The following MAP4K5 variants were observed in gnomAD, a reference collection of about 807,000 sequenced individuals.
The protein encoded by MAP4K5 is MAPK/ERK kinase kinase kinase 5.
In MAP4K5, 82 loss-of-function variants were observed where a neutral mutation model predicts 135.6. The ratio of observed to expected loss-of-function variants is 0.60; its 90% confidence interval spans 0.51 to 0.73. The LOEUF is 0.73. MAP4K5 is among the 30% of genes least tolerant of loss of function. The pLI is 0.00. For synonymous variants in MAP4K5, 347 were observed against 335.0 expected (o/e 1.04, Z -0.39); for missense variants, 907 against 1,010.9 (o/e 0.90, Z 1.39).
chr14:50,437,522 T>C lies in MAP4K5; in HGVS notation c.1836A>G (p.Leu612=), dbSNP rs1000429657. ...PDRILPRKFA[L]TTKIPDTKGC... ...CTTTTGTATCAGGAATCTTTGTTGTTAAAGCGAATTTTCTGAAAACGTAAG... is the reference window on the plus strand; with the variant it reads ...CTTTTGTATCAGGAATCTTTGTTGTCAAAGCGAATTTTCTGAAAACGTAAG... The change falls in exon 26 of 33, where the codon TTA becomes TTG. Residue 612 remains leucine, a synonymous_variant. Transcript: ENST00000682126. 1.9e-5 allele frequency: 31 copies of C among 1,600,242 alleles called. No homozygotes were observed. The highest frequency in any genetic ancestry group is 2.6e-5 in the Non-Finnish European group (31 of 1,173,794).
At chr14:50,433,856 A>C (rs1296365522) in intron 28 of MAP4K5, among the ~76,000 whole-genome samples, 1 of 152,246 alleles carries the variant, frequency 6.6e-6, no homozygotes, top group Non-Finnish European at 1.5e-5. Flanking sequence ...CAGATTTAAA[A>C]AATGATTTAT....
intron 26 of MAP4K5, among the ~76,000 whole-genome samples, chr14:50,436,474 G>A (rs891714962): frequency 1.3e-5 from 2 of 151,816 alleles, no homozygotes; most frequent in Non-Finnish European, 2.9e-5. Flanking sequence ...TTTTGGGTGG[G>A]GGCTTTGGGT....
chr14:50,539,276 C>G (rs1049171460), intron 2 of MAP4K5, among the ~76,000 whole-genome samples: 2 of 152,116 alleles, frequency 1.3e-5, no homozygotes, highest in African/African-American at 4.8e-5. Context: ...AGATCAATCT[C>G]TAGCACTTAG....
In MAP4K5 at chr14:50,468,666, T is replaced by G; in HGVS notation, c.659A>C (p.Asp220Ala). The stretch of plus-strand genomic sequence containing the variant: ...ATGAGAACACCTCATTGGGTGGAGA[T>G]CAAACATAGGTGGCTGAAGTTCTCC... ...ELGELQPPMF[D>A]LHPMRALFLM... Residue 220 changes from aspartate (D) to alanine (A), a missense_variant, in exon 10 of 33, where the codon GAT (aspartate) becomes GCT (alanine). By Grantham distance (126) the Asp-to-Ala change is moderately radical. Around this residue, in one of 3 missense-constraint regions of MAP4K5, gnomAD observed 690 missense variants for 777.4 expected, o/e 0.89. Transcript: ENST00000682126. 6.2e-7 allele frequency: 1 copy of G among 1,613,348 alleles called. No homozygotes were observed. The highest frequency in any genetic ancestry group is 2.2e-5 in the East Asian group (1 of 44,852).
rs745779460 is a variant in MAP4K5 at position 50,456,512 on chromosome 14, A to G, written c.1015+4T>C. ...CCAATGGAAAATGTAAACCAAACACATACAATTTATTTCTGAAGCTGTCCG... is the reference window on the plus strand; with the variant it reads ...CCAATGGAAAATGTAAACCAAACACGTACAATTTATTTCTGAAGCTGTCCG... On this transcript the variant is annotated splice_donor_region_variant and intron_variant, in intron 14 of 32. Transcript: ENST00000682126. 6.2e-5 allele frequency: 97 copies of G among 1,560,618 alleles called. No homozygotes were observed. In the Admixed American group the frequency reaches 1.8e-3, roughly 30 times the overall value.
Position 50,488,446 on chromosome 14 carries a change from A to T in MAP4K5, c.167-2252T>A, listed in dbSNP as rs149592951. Among the ~76,000 whole-genome samples the T allele has an allele frequency of 1.3e-5, 2 of 152,326 alleles. 1 individual carries two copies. The highest frequency in any genetic ancestry group is 4.8e-5 in the African/African-American group (2 of 41,570). On this transcript the variant is annotated intron_variant, in intron 3 of 32. Transcript: ENST00000682126. ...ACTTTTAAATGTGCACAGAAGCCTT[A>T]TATCTGAGCTATGCTGAGAAATTCT...
At chr14:50,424,007 G>A (rs1318439545) in intron 31 of MAP4K5, among the ~76,000 whole-genome samples, 2 of 152,082 alleles carry the variant, frequency 1.3e-5, no homozygotes, top group African/African-American at 4.8e-5. Context: ...GCTTATTAAT[G>A]TGTTCTTTAT....
chr14:50,440,335 A>G, intron 22 of MAP4K5, 27 bp downstream of exon 22: 1 of 1,444,572 alleles, frequency 6.9e-7, no homozygotes, highest in South Asian at 1.2e-5. Context: ...GTTTAAATTA[A>G]TTTCTTGAAT....
chr14:50,485,137 T>C (rs999655392), intron 5 of MAP4K5, among the ~76,000 whole-genome samples: 2 of 152,250 alleles, frequency 1.3e-5, no homozygotes, highest in African/African-American at 4.8e-5. Flanking sequence ...ATATGAATAC[T>C]AAATAAAATA....
At position 50,437,984 on chromosome 14, in the gene MAP4K5, T is replaced by G; in HGVS notation, c.1733A>C (p.His578Pro). ...SEGKTFQLYS[H>P]NLIALFEHAK... ...ATGTTCAAACAAAGCTATAAGATTG[T>G]GAGAGTAGAGCTGAAAGGTTTTTCC... The change falls in exon 25 of 33, where the codon CAC becomes CCC. Residue 578 changes from histidine to proline, a missense_variant. By Grantham distance (77) the His-to-Pro change is moderately conservative. Transcript: ENST00000682126. 2 of 1,608,428 alleles carry G rather than the reference T, an allele frequency of 1.2e-6. No homozygotes were observed. Among genetic ancestry groups the G allele is most frequent in the Non-Finnish European group, 1.7e-6 (2 of 1,175,182 alleles).
At position 50,420,010 on chromosome 14, in the gene MAP4K5, T is replaced by G. The variant is rs2035688308; in HGVS notation, c.*9A>C. 3 of 1,584,590 alleles carry G rather than the reference T, an allele frequency of 1.9e-6. No individual in the cohort carries two copies. The highest frequency in any genetic ancestry group is 2.6e-6 in the Non-Finnish European group (3 of 1,158,188). On this transcript the variant is annotated 3_prime_UTR_variant, in exon 33 of 33. Transcript: ENST00000682126. The stretch of plus-strand genomic sequence containing the variant: ...CATTTTCCTGTCATTTGAGATCAGT[T>G]TCTGTTGCTTAGTAACTATTTTCAT...
At chr14:50,491,590 C>T (rs2037484952) in intron 3 of MAP4K5, among the ~76,000 whole-genome samples, 1 of 152,034 alleles carries the variant, frequency 6.6e-6, no homozygotes, top group Non-Finnish European at 1.5e-5. Flanking sequence ...AGCCACAGCA[C>T]GCAGCTTATT....
intron 1 of MAP4K5, among the ~76,000 whole-genome samples, chr14:50,548,423 A>T (rs189170095): frequency 6.6e-6 from 1 of 152,358 alleles, no homozygotes; most frequent in Non-Finnish European, 1.5e-5. Flanking sequence ...CTTTTGTATT[A>T]GAAGTCACTA....
chr14:50,495,330 A>G (rs553879540), intron 3 of MAP4K5, among the ~76,000 whole-genome samples: 2 of 152,334 alleles, frequency 1.3e-5, no homozygotes, highest in African/African-American at 2.4e-5. Context: ...CATGCTCAAC[A>G]TCATTAATCA....
chr14:50,443,195 TAA>T (rs1359099824), intron 20 of MAP4K5, among the ~76,000 whole-genome samples: 5 of 152,270 alleles, frequency 3.3e-5, no homozygotes, highest in Admixed American at 6.5e-5. Flanking sequence ...TTAATAGTCA[TAA>T]GAGACAAAAA....
At chr14:50,528,243 G>C (rs1286638549) in intron 2 of MAP4K5, among the ~76,000 whole-genome samples, 1 of 151,906 alleles carries the variant, frequency 6.6e-6, no homozygotes, top group Non-Finnish European at 1.5e-5. Context: ...TTCAACCAAA[G>C]AACAGCCAAT....
intron 2 of MAP4K5, 64 bp downstream of exon 2, chr14:50,531,878 G>GA: frequency 8.7e-7 from 1 of 1,148,880 alleles, no homozygotes; most frequent in South Asian, 1.3e-5. Flanking sequence ...TACTTCGCAG[G>GA]AAAGTGGCCC....
intron 26 of MAP4K5, among the ~76,000 whole-genome samples, chr14:50,435,301 A>G (rs2139672823): frequency 6.6e-6 from 1 of 152,342 alleles, no homozygotes; most frequent in Admixed American, 6.5e-5. Context: ...TTTGACAAGC[A>G]CAATAACAAC....
intron 9 of MAP4K5, among the ~76,000 whole-genome samples, chr14:50,469,108 A>G (rs2036898797): frequency 6.6e-6 from 1 of 152,220 alleles, no homozygotes; most frequent in African/African-American, 2.4e-5. Context: ...AGGTCAAAGA[A>G]AAGTTCCTAA....
Sources: allele counts gnomAD v4.1 joint callset (sites outside exome capture counted in the v4.1 genomes callset), GRCh38; gene constraint gnomAD v4.1.1; regional missense constraint gnomAD v4.1.1; transcripts MANE v1.5; gene names NCBI Gene and HGNC (gene_info 2026-07-23, HGNC 2026-07-21).